Variants in NKAIN2 observed in about 807,000 individuals in gnomAD.
NKAIN2 encodes the protein sodium/potassium-transporting ATPase subunit beta-1-interacting protein 2.
NKAIN2 carries 14 observed loss-of-function variants against 32.6 expected under a neutral mutation model. The observed-to-expected ratio is 0.43, with a 90% CI of 0.28 to 0.67. NKAIN2 has a LOEUF of 0.67. Ranked by LOEUF, NKAIN2 falls within the 30% of genes least tolerant of loss-of-function variation. The pLI, the probability that NKAIN2 is intolerant of heterozygous loss-of-function variation, is 0.17. For missense variants in NKAIN2, 198 were observed against 258.3 expected, an observed-to-expected ratio of 0.77 and a Z score of 1.60; for synonymous variants, 80 against 87.2, an observed-to-expected ratio of 0.92 and a Z score of 0.46.
intron 4 of NKAIN2, among the ~76,000 whole-genome samples, chr6:124,704,663 C>G (rs1311845336): frequency 6.7e-6 from 1 of 149,992 alleles, no homozygotes; most frequent in South Asian, 2.1e-4. Context: ...GAGAGAGAGA[C>G]GTGCATATGA....
chr6:124,617,250 C>T (rs927996827), intron 3 of NKAIN2, among the ~76,000 whole-genome samples: 1 of 152,202 alleles, frequency 6.6e-6, no homozygotes, highest in Non-Finnish European at 1.5e-5. Flanking sequence ...ATAAAAACAA[C>T]AGCTCTTTCT....
rs189500427 is a variant in NKAIN2, at chr6:124,178,549, G to A, written c.55-104456G>A. Among the ~76,000 whole-genome samples the A allele has an allele frequency of 3.8e-3, 584 of 152,062 alleles. 2 individuals are homozygous for A. The highest frequency in any genetic ancestry group is 0.013 in the African/African-American group (536 of 41,490). On this transcript the variant is annotated intron_variant, in intron 1 of 6. Coordinates refer to ENST00000368417, the MANE Select transcript of NKAIN2 (RefSeq NM_001040214.3). ...CCTGATCTTGTGATCCACCCACCTC[G>A]GCCTCCCAAAGTGCTGGGATTACAG...
chr6:123,884,850 T>TAAA (rs1773637747), intron 1 of NKAIN2, among the ~76,000 whole-genome samples: 1 of 152,196 alleles, frequency 6.6e-6, no homozygotes, highest in African/African-American at 2.4e-5. Flanking sequence ...CAACAACGTC[T>TAAA]TGATTATACC....
intron 3 of NKAIN2, among the ~76,000 whole-genome samples, chr6:124,576,523 T>C (rs888396066): frequency 1.2e-4 from 18 of 152,250 alleles, no homozygotes; most frequent in Non-Finnish European, 1.9e-4. Context: ...TTCTTAGCAC[T>C]ATTAAGAATC....
intron 1 of NKAIN2, among the ~76,000 whole-genome samples, chr6:123,945,845 C>G (rs1052191153): frequency 1.3e-5 from 2 of 152,010 alleles, no homozygotes; most frequent in African/African-American, 2.4e-5. Flanking sequence ...AACGTTTAAC[C>G]CTGATTCCTG....
chr6:124,189,065 A>G (rs1789887610), intron 1 of NKAIN2, among the ~76,000 whole-genome samples: 1 of 152,182 alleles, frequency 6.6e-6, no homozygotes, highest in Non-Finnish European at 1.5e-5. Flanking sequence ...CAGCCACATC[A>G]TCATTTTGTT....
chr6:124,202,857 A>C (rs1389730965), intron 1 of NKAIN2, among the ~76,000 whole-genome samples: 1 of 151,878 alleles, frequency 6.6e-6, no homozygotes, highest in Non-Finnish European at 1.5e-5. Context: ...TGGCCAAGTC[A>C]TAGAAAGAAA....
chr6:123,901,716 T>A (rs1774597088), intron 1 of NKAIN2, among the ~76,000 whole-genome samples: 1 of 152,146 alleles, frequency 6.6e-6, no homozygotes. Context: ...TGTGGTCATA[T>A]TTTATGGCTT....
In NKAIN2 at chr6:124,059,073, A is replaced by G. The variant is rs115210723; in HGVS notation, c.55-223932A>G. ...ATATATTATGCACAAGAAGAAATAA[A>G]CATATTAGAATGGAAAGTGGTAAAA... On this transcript the variant is annotated intron_variant, in intron 1 of 6. Coordinates refer to ENST00000368417, the MANE Select transcript of NKAIN2 (RefSeq NM_001040214.3). Among the ~76,000 whole-genome samples the G allele has an allele frequency of 6.3e-3, 962 of 152,034 alleles. 15 individuals carry two copies. Among genetic ancestry groups the G allele is most frequent in the African/African-American group, 0.022 (925 of 41,444 alleles).
chr6:124,777,382 C>G (rs912427072), intron 4 of NKAIN2, among the ~76,000 whole-genome samples: 2 of 152,116 alleles, frequency 1.3e-5, no homozygotes, highest in Non-Finnish European at 2.9e-5. Context: ...TGAATCTCAG[C>G]TCCACTACCT....
chr6:124,744,254 T>C (rs1583778730), intron 4 of NKAIN2, among the ~76,000 whole-genome samples: 1 of 151,828 alleles, frequency 6.6e-6, no homozygotes, highest in East Asian at 1.9e-4. Flanking sequence ...CATACTTATA[T>C]ACTGGAGAAA....
chr6:124,404,923 T>A (rs1773782180), intron 3 of NKAIN2, among the ~76,000 whole-genome samples: 1 of 152,182 alleles, frequency 6.6e-6, no homozygotes, highest in African/African-American at 2.4e-5. Flanking sequence ...CCCATTGCAA[T>A]GTTAACATAA....
intron 1 of NKAIN2, among the ~76,000 whole-genome samples, chr6:123,859,753 C>T (rs186816839): frequency 8.5e-5 from 13 of 152,272 alleles, no homozygotes; most frequent in Admixed American, 3.3e-4. Context: ...TGCAGTGGCA[C>T]GATCTTGGCT....
chr6:124,624,150 T>TAAG (rs1783213594), intron 3 of NKAIN2, among the ~76,000 whole-genome samples: 1 of 152,158 alleles, frequency 6.6e-6, no homozygotes, highest in African/African-American at 2.4e-5. Flanking sequence ...ACCCTTATGT[T>TAAG]AAGTAAAGAC....
chr6:124,745,581 T>C (rs1362650182), intron 4 of NKAIN2, among the ~76,000 whole-genome samples: 1 of 151,930 alleles, frequency 6.6e-6, no homozygotes, highest in Admixed American at 6.6e-5. Context: ...TTATTTTACA[T>C]GGCCTTTCTT....
At chr6:123,968,756 T>C (rs1183191742) in intron 1 of NKAIN2, among the ~76,000 whole-genome samples, 3 of 152,338 alleles carry the variant, frequency 2.0e-5, no homozygotes, top group African/African-American at 7.2e-5. Context: ...AATGCCCCTG[T>C]TAGCCTTACA....
At chr6:123,933,290 A>G (rs1009736275) in intron 1 of NKAIN2, among the ~76,000 whole-genome samples, 2 of 152,338 alleles carry the variant, frequency 1.3e-5, no homozygotes, top group East Asian at 1.9e-4. Flanking sequence ...TTGTTAACAT[A>G]TATTTTACTG....
rs554441395 is a variant in NKAIN2, at chr6:124,109,299, G to A, written c.55-173706G>A. Reference sequence around the variant, plus strand: ...ATTCTTACATATTTTATTCTTTGTGGTGCACCTGTAAATGACACTGTTTGC... The same window carrying A: ...ATTCTTACATATTTTATTCTTTGTGATGCACCTGTAAATGACACTGTTTGC... On this transcript the variant is annotated intron_variant, in intron 1 of 6. Coordinates refer to ENST00000368417, the MANE Select transcript of NKAIN2 (RefSeq NM_001040214.3). Among the ~76,000 whole-genome samples the A allele has an allele frequency of 6.6e-5, 10 of 151,756 alleles. No individual in the cohort carries two copies. The East Asian group carries it at 1.2e-3, about 18-fold the overall frequency.
At chr6:124,202,950 G>A (rs141513709) in intron 1 of NKAIN2, among the ~76,000 whole-genome samples, 1 of 151,832 alleles carries the variant, frequency 6.6e-6, no homozygotes, top group Non-Finnish European at 1.5e-5. Context: ...CACTAATTTA[G>A]CACAACATTA....
Sources: gnomAD v4.1 joint callset for allele counts (sites outside exome capture counted in the v4.1 genomes callset) on GRCh38, gnomAD v4.1.1 for gene constraint, MANE v1.5 for transcripts, NCBI Gene and HGNC (gene_info 2026-07-23, HGNC 2026-07-21) for gene names.